CACNG3: variants seen among roughly 807,000 people sequenced by gnomAD.
CACNG3 encodes the protein voltage-dependent calcium channel gamma-3 subunit.
A neutral mutation model predicts 28.5 loss-of-function variants in CACNG3; 3 were observed. That is an observed-to-expected ratio of 0.11 (90% confidence interval 0.05 to 0.27). CACNG3 has a LOEUF of 0.27. Ranked by LOEUF, CACNG3 falls within the 10% of genes least tolerant of loss-of-function variation. The pLI, the probability that CACNG3 is intolerant of heterozygous loss-of-function variation, is 1.00. For missense variants in CACNG3, 236 were observed against 414.4 expected, an observed-to-expected ratio of 0.57 and a Z score of 3.74; for synonymous variants, 174 against 162.2, an observed-to-expected ratio of 1.07 and a Z score of -0.55.
At chr16:24,308,287 G>A (rs901207841) in intron 1 of CACNG3, among the ~76,000 whole-genome samples, 2 of 152,194 alleles carry the variant, frequency 1.3e-5, no homozygotes, top group Admixed American at 1.3e-4. Context: ...GCCCCTGGCA[G>A]AAGCACCCTG....
chr16:24,283,424 G>A (rs1031167407), intron 1 of CACNG3, among the ~76,000 whole-genome samples: 2 of 152,032 alleles, frequency 1.3e-5, no homozygotes, highest in Admixed American at 6.6e-5. Context: ...CATCTATTGT[G>A]TACATTATTT....
rs962508717 is a variant in CACNG3 at position 24,346,703 on chromosome 16, C to G, written c.212-31C>G. 3.5e-5 allele frequency: 55 copies of G among 1,564,048 alleles called. No individual in the cohort carries two copies. The Admixed American group carries it at 5.7e-4, about 16-fold the overall frequency. On this transcript the variant is annotated intron_variant, in intron 1 of 3. Coordinates refer to ENST00000005284, the MANE Select transcript of CACNG3 (RefSeq NM_006539.4). ...GGCCCCCAGAGCTCTGTCTCCTCCC[C>G]CAGGCTCAGAACCCTTATCTGTTTC...
rs144232444 is a variant in CACNG3 at position 24,286,365 on chromosome 16, G to A, written c.211+29400G>A. 6.5e-3 allele frequency among the ~76,000 whole-genome samples: 987 copies of A among 151,778 alleles called. 7 individuals carry two copies. Among genetic ancestry groups the A allele is most frequent in the African/African-American group, 0.023 (950 of 41,354 alleles). On this transcript the variant is annotated intron_variant, in intron 1 of 3. Coordinates refer to ENST00000005284, the MANE Select transcript of CACNG3 (RefSeq NM_006539.4). The stretch of plus-strand genomic sequence containing the variant: ...TTATTATCCTAAAAGATTGTAGCAA[G>A]GGGAGTGATTATCAGGCAAATGTCT...
At chr16:24,317,604 AAG>A (rs1195437907) in intron 1 of CACNG3, among the ~76,000 whole-genome samples, 6 of 74,036 alleles carry the variant, frequency 8.1e-5, no homozygotes, top group Admixed American at 2.8e-4. Flanking sequence ...GAAAGAAAGA[AAG>A]AAAGAAAGAA....
intron 1 of CACNG3, among the ~76,000 whole-genome samples, chr16:24,334,750 T>C (rs1899678692): frequency 6.6e-6 from 1 of 152,260 alleles, no homozygotes; most frequent in South Asian, 2.1e-4. Flanking sequence ...AAGCTCTGTC[T>C]GGCCTTTGGC....
At position 24,267,965 on chromosome 16, in the gene CACNG3, C is replaced by G. The variant is rs1044713861; in HGVS notation, c.211+11000C>G. Reference sequence around the variant, plus strand: ...GGATTACAGCCGTGAGCTACCGTGCCCGGCCTCATATCTGGGCCAGCCCCT... The same window carrying G: ...GGATTACAGCCGTGAGCTACCGTGCGCGGCCTCATATCTGGGCCAGCCCCT... On this transcript the variant is annotated intron_variant, in intron 1 of 3. Coordinates refer to ENST00000005284, the MANE Select transcript of CACNG3 (RefSeq NM_006539.4). Among the ~76,000 whole-genome samples, 3 of 152,336 alleles carry G rather than the reference C, an allele frequency of 2.0e-5. No homozygotes were observed. In the East Asian group the frequency reaches 5.8e-4, roughly 29 times the overall value.
chr16:24,353,643 C>T (rs1416536374), intron 2 of CACNG3, among the ~76,000 whole-genome samples: 1 of 152,080 alleles, frequency 6.6e-6, no homozygotes, highest in East Asian at 1.9e-4. Context: ...AACATGTCAG[C>T]TATGACTGCA....
intron 1 of CACNG3, among the ~76,000 whole-genome samples, chr16:24,322,662 C>T (rs773255642): frequency 6.6e-6 from 1 of 152,008 alleles, no homozygotes; most frequent in African/African-American, 2.4e-5. Flanking sequence ...AGTTTTTCCC[C>T]TTCTGCTTCT....
intron 1 of CACNG3, among the ~76,000 whole-genome samples, chr16:24,298,182 G>A (rs1381671965): frequency 6.6e-6 from 1 of 152,080 alleles, no homozygotes; most frequent in Non-Finnish European, 1.5e-5. Flanking sequence ...TACTGTATGT[G>A]ATTAGCCCTT....
intron 1 of CACNG3, among the ~76,000 whole-genome samples, chr16:24,310,764 G>T (rs117276593): frequency 0.028 from 4,236 of 152,216 alleles, 114 homozygotes; most frequent in South Asian, 0.068. Context: ...CTGGTAGGGG[G>T]TGCTGCTGGG....
intron 1 of CACNG3, among the ~76,000 whole-genome samples, chr16:24,344,624 T>G (rs1324445844): frequency 6.6e-6 from 1 of 152,318 alleles, no homozygotes; most frequent in East Asian, 1.9e-4. Context: ...GTCTGTCTTT[T>G]TTCTAAGAAT....
At chr16:24,274,736 G>A (rs1898732431) in intron 1 of CACNG3, among the ~76,000 whole-genome samples, 1 of 152,122 alleles carries the variant, frequency 6.6e-6, no homozygotes, top group South Asian at 2.1e-4. Flanking sequence ...ACATCGGGGA[G>A]CCATTAGCAC....
chr16:24,306,863 C>T (rs78374006), intron 1 of CACNG3, among the ~76,000 whole-genome samples: 3,123 of 152,260 alleles, frequency 0.021, 111 homozygotes, highest in African/African-American at 0.071. Context: ...GACCCCCAGT[C>T]TCTCAACTAG....
At chr16:24,272,500 C>A (rs906925976) in intron 1 of CACNG3, among the ~76,000 whole-genome samples, 1 of 152,016 alleles carries the variant, frequency 6.6e-6, no homozygotes, top group Non-Finnish European at 1.5e-5. Flanking sequence ...GACATTTAAT[C>A]ATGCACATTA....
chr16:24,290,978 A>G (rs1285063395), intron 1 of CACNG3, among the ~76,000 whole-genome samples: 1 of 152,100 alleles, frequency 6.6e-6, no homozygotes, highest in East Asian at 1.9e-4. Flanking sequence ...CCAAAGCAAT[A>G]CTGCACTGTT....
intron 1 of CACNG3, among the ~76,000 whole-genome samples, chr16:24,262,479 T>G (rs531966084): frequency 1.3e-5 from 2 of 152,302 alleles, no homozygotes; most frequent in African/African-American, 4.8e-5. Context: ...TTCCTATGTC[T>G]TGATAAACAA....
At chr16:24,297,071 C>T (rs190562802) in intron 1 of CACNG3, among the ~76,000 whole-genome samples, 22 of 152,064 alleles carry the variant, frequency 1.4e-4, no homozygotes, top group South Asian at 1.0e-3. Flanking sequence ...GGCAACAAAG[C>T]GAGATCCTGT....
intron 1 of CACNG3, among the ~76,000 whole-genome samples, chr16:24,287,241 T>C (rs976161951): frequency 2.0e-5 from 3 of 152,122 alleles, no homozygotes; most frequent in Non-Finnish European, 2.9e-5. Context: ...CTCTGGGCCA[T>C]GCATGGTGAC....
At chr16:24,300,066 A>G (rs1899085293) in intron 1 of CACNG3, among the ~76,000 whole-genome samples, 1 of 152,202 alleles carries the variant, frequency 6.6e-6, no homozygotes, top group Non-Finnish European at 1.5e-5. Context: ...GTCTGTACAA[A>G]TCACCCACTT....
Sources: allele counts gnomAD v4.1 joint callset (sites outside exome capture counted in the v4.1 genomes callset), GRCh38; gene constraint gnomAD v4.1.1; transcripts MANE v1.5; gene names NCBI Gene and HGNC (gene_info 2026-07-23, HGNC 2026-07-21).